The following SERGEF variants were observed in gnomAD, a reference collection of about 807,000 sequenced individuals.
The protein encoded by SERGEF is secretion regulating guanine nucleotide exchange factor.
SERGEF carries 51 observed loss-of-function variants against 50.0 expected under a neutral mutation model. That is an observed-to-expected ratio of 1.02 (90% CI 0.81 to 1.29). The LOEUF is 1.29. Among genes scored for constraint, SERGEF ranks in the 50% most tolerant of loss-of-function variants. The pLI is 0.00. For missense variants in SERGEF, 521 were observed against 557.0 expected, an observed-to-expected ratio of 0.94 and a Z score of 0.65; for synonymous variants, 205 against 212.4, an observed-to-expected ratio of 0.97 and a Z score of 0.30.
intron 8 of SERGEF, among the ~76,000 whole-genome samples, chr11:17,981,863 C>CA (rs1364000794): frequency 6.6e-6 from 1 of 152,092 alleles, no homozygotes; most frequent in Non-Finnish European, 1.5e-5. Flanking sequence ...TGCAGTGGCG[C>CA]AACCTTAGCT....
chr11:17,962,593 G>A (rs892330063), intron 8 of SERGEF, among the ~76,000 whole-genome samples: 3 of 152,122 alleles, frequency 2.0e-5, no homozygotes, highest in Admixed American at 1.3e-4. Flanking sequence ...AGCTCAAAAC[G>A]AAGTCAGCAA....
At chr11:17,851,050 C>A (rs1850701581) in intron 10 of SERGEF, among the ~76,000 whole-genome samples, 1 of 152,172 alleles carries the variant, frequency 6.6e-6, no homozygotes, top group South Asian at 2.1e-4. Context: ...AGGGATGATA[C>A]CTACCTTAGA....
intron 9 of SERGEF, among the ~76,000 whole-genome samples, chr11:17,928,307 T>C (rs1039692873): frequency 6.6e-6 from 1 of 152,232 alleles, no homozygotes; most frequent in Non-Finnish European, 1.5e-5. Flanking sequence ...AAAGGAACAC[T>C]GTCTGAGCCT....
At chr11:17,817,548 C>T (rs1324593950) in intron 10 of SERGEF, among the ~76,000 whole-genome samples, 1 of 152,168 alleles carries the variant, frequency 6.6e-6, no homozygotes, top group Non-Finnish European at 1.5e-5. Context: ...TTCACCACAA[C>T]TCTTTGAATT....
At chr11:17,880,430 T>C (rs1204208225) in intron 9 of SERGEF, among the ~76,000 whole-genome samples, 4 of 152,224 alleles carry the variant, frequency 2.6e-5, no homozygotes, top group African/African-American at 9.6e-5. Flanking sequence ...TAGAGCCATC[T>C]GATGGACTAA....
intron 9 of SERGEF, among the ~76,000 whole-genome samples, chr11:17,949,804 C>T (rs2133963141): frequency 6.6e-6 from 1 of 152,166 alleles, no homozygotes; most frequent in Middle Eastern, 3.4e-3. Flanking sequence ...GATAATGACA[C>T]TACGCAAAGA....
At chr11:17,881,923 A>C (rs1358594477) in intron 9 of SERGEF, among the ~76,000 whole-genome samples, 1 of 152,196 alleles carries the variant, frequency 6.6e-6, no homozygotes, top group Non-Finnish European at 1.5e-5. Context: ...GGCCCTCATG[A>C]ATAGGTCCCT....
At chr11:17,848,496 T>C (rs2133869572) in intron 10 of SERGEF, among the ~76,000 whole-genome samples, 1 of 152,306 alleles carries the variant, frequency 6.6e-6, no homozygotes, top group East Asian at 1.9e-4. Flanking sequence ...GTCTGGATCA[T>C]GAAGGGTGTG....
intron 10 of SERGEF, among the ~76,000 whole-genome samples, chr11:17,870,046 T>C (rs915842713): frequency 1.3e-5 from 2 of 152,186 alleles, no homozygotes; most frequent in African/African-American, 2.4e-5. Context: ...GTTCTTGTGA[T>C]AGTGAGTAAA....
intron 1 of SERGEF, among the ~76,000 whole-genome samples, chr11:18,010,637 T>C (rs1854175636): frequency 6.6e-6 from 1 of 152,232 alleles, no homozygotes; most frequent in African/African-American, 2.4e-5. Flanking sequence ...TTCTGCTTTA[T>C]TTTTCTTCAT....
intron 10 of SERGEF, among the ~76,000 whole-genome samples, chr11:17,831,635 AG>A (rs1446776341): frequency 1.3e-5 from 2 of 152,220 alleles, no homozygotes; most frequent in South Asian, 2.1e-4. Context: ...AATTGCAAAG[AG>A]GCTCATTTGG....
At chr11:17,903,474 T>G (rs1308435454) in intron 9 of SERGEF, among the ~76,000 whole-genome samples, 1 of 152,228 alleles carries the variant, frequency 6.6e-6, no homozygotes, top group Non-Finnish European at 1.5e-5. Flanking sequence ...ATATTTCCTT[T>G]TTCCCTCCCT....
intron 10 of SERGEF, among the ~76,000 whole-genome samples, chr11:17,826,811 G>C (rs1229724619): frequency 6.6e-6 from 1 of 152,184 alleles, no homozygotes; most frequent in East Asian, 1.9e-4. Flanking sequence ...TGTTCTGAAG[G>C]AAAAAGTTTG....
chr11:17,839,527 G>A (rs59143224), intron 10 of SERGEF, among the ~76,000 whole-genome samples: 16,326 of 152,100 alleles, frequency 0.11, 1,007 homozygotes, highest in Middle Eastern at 0.25. Context: ...ACTTAAGATG[G>A]GTGGGCTGTT....
In SERGEF at chr11:17,826,141, T is replaced by C. The variant is rs560946525; in HGVS notation, c.1049-37728A>G. On this transcript the variant is annotated intron_variant, in intron 10 of 10. Coordinates refer to ENST00000265965, the MANE Select transcript of SERGEF (RefSeq NM_012139.4). ...TAAGGGCCTGATCTGTGCCAAGCAC[T>C]GTATTATACACTTGACATGAATTAT... Among the ~76,000 whole-genome samples the C allele has an allele frequency of 2.6e-5, 4 of 152,378 alleles. No individual in the cohort carries two copies. In the South Asian group the frequency reaches 8.3e-4, roughly 32 times the overall value.
At chr11:17,832,847 G>A (rs1247465210) in intron 10 of SERGEF, among the ~76,000 whole-genome samples, 1 of 152,144 alleles carries the variant, frequency 6.6e-6, no homozygotes, top group East Asian at 1.9e-4. Flanking sequence ...GATGATTTAG[G>A]GTATCTGGCG....
chr11:17,911,977 G>C (rs1182742346), intron 9 of SERGEF, among the ~76,000 whole-genome samples: 1 of 152,158 alleles, frequency 6.6e-6, no homozygotes, highest in African/African-American at 2.4e-5. Flanking sequence ...TGATGAGTTT[G>C]AGCTTATATT....
At chr11:17,804,142 G>A (rs570131786) in intron 10 of SERGEF, among the ~76,000 whole-genome samples, 1 of 152,344 alleles carries the variant, frequency 6.6e-6, no homozygotes, top group South Asian at 2.1e-4. Context: ...TTTTCAAACA[G>A]TGGCCCGATG....
At chr11:17,866,898 C>A (rs2133888130) in intron 10 of SERGEF, 1 of 152,252 alleles carries the variant, frequency 6.6e-6, no homozygotes, top group East Asian at 1.9e-4. Flanking sequence ...TGCAGAGAAA[C>A]TCCCCTTTTT....
Sources: allele counts gnomAD v4.1 joint callset (sites outside exome capture counted in the v4.1 genomes callset), GRCh38; gene constraint gnomAD v4.1.1; transcripts MANE v1.5; gene names NCBI Gene and HGNC (gene_info 2026-07-23, HGNC 2026-07-21).